The following ADPRHL1 variants were observed in gnomAD, a reference collection of about 807,000 sequenced individuals.
The protein encoded by ADPRHL1 is inactive ADP-ribosyltransferase ARH2.
A neutral mutation model predicts 44.1 loss-of-function variants in ADPRHL1; 43 were observed. That is an observed-to-expected ratio of 0.98 (90% CI 0.76 to 1.26). The LOEUF is 1.26. ADPRHL1 is among the 50% of genes most tolerant of loss of function. The pLI, the probability that ADPRHL1 is intolerant of heterozygous loss-of-function variation, is 0.00. For missense variants in ADPRHL1, 2,022 were observed against 2,496.9 expected, an observed-to-expected ratio of 0.81 and a Z score of 4.05; for synonymous variants, 878 against 1,017.4, an observed-to-expected ratio of 0.86 and a Z score of 2.61.
intron 7 of ADPRHL1, among the ~76,000 whole-genome samples, chr13:113,418,994 CCCTCCCTTCCTCCCTCCCTT>C (rs2043900265): frequency 1.4e-5 from 2 of 139,322 alleles, no homozygotes; most frequent in African/African-American, 2.8e-5. Context: ...CTCCCTCCCT[CCCTCCCTTCCTCCCTCCCTT>C]CCTTCCTTTC....
intron 3 of ADPRHL1, 54 bp from the exon 4 acceptor site, chr13:113,429,146 C>G: frequency 6.4e-7 from 1 of 1,567,842 alleles, no homozygotes; most frequent in Non-Finnish European, 8.6e-7. Flanking sequence ...CTTGGGAGGG[C>G]CTGGGGCCGC....
chr13:113,431,388 G>A (rs1174666971), intron 3 of ADPRHL1, among the ~76,000 whole-genome samples: 2 of 152,256 alleles, frequency 1.3e-5, no homozygotes, highest in African/African-American at 2.4e-5. Context: ...CACTCTTGAA[G>A]GCACTCATCA....
At chr13:113,442,236 T>A (rs142743126) in intron 2 of ADPRHL1, among the ~76,000 whole-genome samples, 1 of 152,348 alleles carries the variant, frequency 6.6e-6, no homozygotes, top group African/African-American at 2.4e-5. Flanking sequence ...AGAAGGGTTG[T>A]TGAGGCCCAG....
rs760351270 is a variant in ADPRHL1, at chr13:113,407,829, G to T, written c.1453C>A (p.Pro485Thr). 1.2e-4 allele frequency: 152 copies of T among 1,231,858 alleles called. No homozygotes were observed. Among genetic ancestry groups the T allele is most frequent in the Non-Finnish European group, 1.4e-4 (142 of 987,994 alleles). The allele number at this position is 1,231,858 out of a possible 1,614,324, so 76.3% of individuals were successfully genotyped here. Residue 485 changes from proline (P) to threonine (T), a missense_variant, in exon 8 of 8, where the codon CCC (proline) becomes ACC (threonine). Pro to Thr is a conservative substitution (Grantham distance 38). Transcript: ENST00000612156. ...CAGCGGGGCTTCTCGCTGAGGCAGG[G>T]CTTTGGGGCCGGCTCCTTGGTCTTC... ...LEKTKEPAPK[P>T]CLSEKPRWGH...
At chr13:113,426,442 C>G (rs1306416979) in intron 4 of ADPRHL1, among the ~76,000 whole-genome samples, 1 of 152,228 alleles carries the variant, frequency 6.6e-6, no homozygotes, top group Non-Finnish European at 1.5e-5. Flanking sequence ...ATCCTGTCTG[C>G]CTGGCCGTGG....
Position 113,441,846 on chromosome 13 carries a change from C to T in ADPRHL1, c.379+2579G>A, listed in dbSNP as rs2044101052. Among the ~76,000 whole-genome samples, 1 of 152,198 alleles carries T rather than the reference C, an allele frequency of 6.6e-6. No homozygotes were observed. Among genetic ancestry groups the T allele is most frequent in the Non-Finnish European group, 1.5e-5 (1 of 68,040 alleles). On this transcript the variant is annotated intron_variant, in intron 2 of 7. Coordinates refer to ENST00000612156, the MANE Select transcript of ADPRHL1 (RefSeq NM_001394807.1). The surrounding 1 kb of genome is among the most constrained non-coding windows in gnomAD (Gnocchi z 6.0). ...CGTGTCTCTGTCACGTTGTGTCCCGCCGCGTGGGTCCGTGTCACTATCACA... is the reference window on the plus strand; with the variant it reads ...CGTGTCTCTGTCACGTTGTGTCCCGTCGCGTGGGTCCGTGTCACTATCACA...
chr13:113,424,466 T>C, intron 5 of ADPRHL1, 117 bp from the exon 6 acceptor site: 2 of 1,414,836 alleles, frequency 1.4e-6, no homozygotes, highest in East Asian at 2.3e-5. Context: ...ATCCACCCTT[T>C]TCTTTTTGAG....
intron 1 of ADPRHL1, among the ~76,000 whole-genome samples, chr13:113,451,279 T>C (rs556230598): frequency 6.6e-6 from 1 of 152,358 alleles, no homozygotes; most frequent in African/African-American, 2.4e-5. Flanking sequence ...TATATAATCA[T>C]ATCTAAGATC....
chr13:113,424,200 A>G lies in ADPRHL1; in HGVS notation c.907+17T>C, dbSNP rs1429589143. ...TGCTACCCTCCAGGAAGCCACGGCC[A>G]TTAAGGAACATCTCACCTCCATGAA... On this transcript the variant is annotated intron_variant, in intron 6 of 7. Coordinates refer to ENST00000612156, the MANE Select transcript of ADPRHL1 (RefSeq NM_001394807.1). The G allele has an allele frequency of 1.1e-5, 17 of 1,612,378 alleles. No homozygotes were observed. Among genetic ancestry groups the G allele is most frequent in the Non-Finnish European group, 1.4e-5 (17 of 1,179,658 alleles).
At chr13:113,423,068 A>C in intron 6 of ADPRHL1, 89 bp from the exon 7 acceptor site, 1 of 1,559,190 alleles carries the variant, frequency 6.4e-7, no homozygotes, top group South Asian at 1.2e-5. Flanking sequence ...AAGGTGGGCC[A>C]AACCCCAATT....
At chr13:113,421,179 C>T (rs1284923615) in intron 7 of ADPRHL1, among the ~76,000 whole-genome samples, 14 of 142,316 alleles carry the variant, frequency 9.8e-5, no homozygotes, top group African/African-American at 1.3e-4. Context: ...CCAGGACACG[C>T]CTACCCCTGG....
Position 113,406,225 on chromosome 13 carries a change from G to A in ADPRHL1, c.3057C>T (p.Ser1019=). ...ASQNLLRGNT[S]HASSSQQVPS... The stretch of plus-strand genomic sequence containing the variant: ...GCACTTGCTGGCTGCTGGAGGCATG[G>A]CTGGTGTTTCCCCTCAGAAGGTTTT... Residue 1019 remains serine (S), a synonymous_variant, in exon 8 of 8, where the codon AGC becomes AGT. Transcript: ENST00000612156. 27 of 1,232,176 alleles carry A rather than the reference G, an allele frequency of 2.2e-5. No homozygotes were observed. The highest frequency in any genetic ancestry group is 2.7e-5 in the Non-Finnish European group (27 of 988,022). The allele number at this position is 1,232,176 out of a possible 1,614,324, so 76.3% of individuals were successfully genotyped here.
intron 2 of ADPRHL1, among the ~76,000 whole-genome samples, chr13:113,437,908 T>G (rs568745882): frequency 1.3e-5 from 2 of 152,316 alleles, no homozygotes; most frequent in East Asian, 3.9e-4. Context: ...CTTAGCTCAG[T>G]GCACCTCCGC....
At position 113,406,588 on chromosome 13, in the gene ADPRHL1, G is replaced by A. The variant is rs2043810458; in HGVS notation, c.2694C>T (p.Ala898=). The change falls in exon 8 of 8, where the codon GCC becomes GCT. Residue 898 remains alanine, a synonymous_variant. Transcript: ENST00000612156. ...TVTENRRGHR[A]PVELSKLSGM... ...CTGAAAGCTTGCTCAGTTCCACTGG[G>A]GCTCGGTGACCCCTTCTGTTCTCAG... The A allele has an allele frequency of 8.1e-7, 1 of 1,231,946 alleles. No individual in the cohort carries two copies. The highest frequency in any genetic ancestry group is 4.2e-5 in the Admixed American group (1 of 23,704). 76.3% of individuals were successfully genotyped at this position (1,231,946 alleles called of 1,614,324 possible). A position where few individuals can be genotyped will look rare whatever the true frequency, so the allele number is the denominator to read the frequency against.
intron 7 of ADPRHL1, among the ~76,000 whole-genome samples, chr13:113,411,331 C>T (rs958656085): frequency 7.9e-5 from 12 of 152,096 alleles, no homozygotes; most frequent in South Asian, 2.1e-4. Flanking sequence ...TCCCCACACT[C>T]GGAGCCCCTT....
intron 5 of ADPRHL1, among the ~76,000 whole-genome samples, chr13:113,424,608 G>C (rs1237689861): frequency 3.1e-5 from 4 of 128,626 alleles, no homozygotes; most frequent in African/African-American, 1.2e-4. Flanking sequence ...GCGTACACCA[G>C]CACACGTGGC....
intron 2 of ADPRHL1, 50 bp from the exon 3 acceptor site, chr13:113,433,917 C>T: frequency 6.7e-7 from 1 of 1,484,630 alleles, no homozygotes; most frequent in Non-Finnish European, 9.0e-7. Context: ...AATAATTCCA[C>T]CCCTGACAAT....
intron 7 of ADPRHL1, chr13:113,422,398 G>A (rs1217297337): frequency 5.7e-6 from 1 of 175,734 alleles, no homozygotes; most frequent in East Asian, 1.5e-4. Context: ...GGCCCTCACG[G>A]GGAAACGCAT....
chr13:113,444,287 C>T (rs1257785690), intron 2 of ADPRHL1, 138 bp downstream of exon 2: 3 of 1,251,012 alleles, frequency 2.4e-6, no homozygotes, highest in East Asian at 4.7e-5. Flanking sequence ...GGGGCCCCCA[C>T]CCGACAAAGG....
Sources: gnomAD v4.1 joint callset for allele counts (sites outside exome capture counted in the v4.1 genomes callset) on GRCh38, gnomAD v4.1.1 for gene constraint, Gnocchi (gnomAD v3.1) non-coding constraint, MANE v1.5 for transcripts, NCBI Gene and HGNC (gene_info 2026-07-23, HGNC 2026-07-21) for gene names.